TSGA10: variants seen among roughly 807,000 people sequenced by gnomAD.
TSGA10 encodes testis-specific gene 10 protein.
In TSGA10, 43 loss-of-function variants were observed where a neutral mutation model predicts 96.6. The ratio of observed to expected loss-of-function variants is 0.44; its 90% CI spans 0.35 to 0.57. The LOEUF (loss-of-function observed/expected upper bound fraction) is 0.57, where lower values mean the gene tolerates loss of function less well. Ranked by LOEUF, TSGA10 falls within the 20% of genes least tolerant of loss-of-function variation. TSGA10 has a pLI of 0.01. For missense variants in TSGA10, 703 were observed against 834.4 expected, an observed-to-expected ratio of 0.84 and a Z score of 1.94; for synonymous variants, 229 against 269.9, an observed-to-expected ratio of 0.85 and a Z score of 1.48.
rs1245557158 is a variant in TSGA10 at position 99,020,302 on chromosome 2, G to T, written c.1795C>A (p.Leu599Ile). The T allele has an allele frequency of 6.2e-7, 1 of 1,613,368 alleles. No individual in the cohort carries two copies. Among genetic ancestry groups the T allele is most frequent in the Non-Finnish European group, 8.5e-7 (1 of 1,179,584 alleles). ...ESEIQLLKEH[L>I]CLAENKMAIQ... Reference sequence around the variant, plus strand: ...CACATTTTATTTTCTGCCAAACAAAGGTGTTCTTTAAGAAGCTGAATTTCA... The same window carrying T: ...CACATTTTATTTTCTGCCAAACAAATGTGTTCTTTAAGAAGCTGAATTTCA... Residue 599 changes from leucine to isoleucine, a missense_variant, in exon 18 of 21, where the codon CTT becomes ATT. By Grantham distance (5) the Leu-to-Ile change is conservative. Around this residue, in one of 3 missense-constraint regions of TSGA10, gnomAD observed 49 missense variants for 96.4 expected, o/e 0.51. Transcript: ENST00000393483.
At chr2:99,068,030 A>T (rs2085472081) in intron 15 of TSGA10, among the ~76,000 whole-genome samples, 1 of 152,150 alleles carries the variant, frequency 6.6e-6, no homozygotes, top group Non-Finnish European at 1.5e-5. Flanking sequence ...CCTTTTGTTC[A>T]TTTATGGTAT....
intron 20 of TSGA10, among the ~76,000 whole-genome samples, chr2:99,004,030 A>G (rs2078233793): frequency 6.6e-6 from 1 of 152,190 alleles, no homozygotes; most frequent in African/African-American, 2.4e-5. Context: ...GAAAAGATCA[A>G]CAAAATTGAC....
At chr2:99,052,128 G>A (rs1235662707) in intron 16 of TSGA10, among the ~76,000 whole-genome samples, 1 of 151,230 alleles carries the variant, frequency 6.6e-6, no homozygotes, top group African/African-American at 2.4e-5. Flanking sequence ...AAAATATAAA[G>A]GATTGGAGCA....
chr2:99,058,600 T>TAG (rs2084270372), intron 16 of TSGA10, among the ~76,000 whole-genome samples: 1 of 152,014 alleles, frequency 6.6e-6, no homozygotes, highest in African/African-American at 2.4e-5. Context: ...ATGAAGAGAA[T>TAG]AGAGAAATGC....
intron 10 of TSGA10, among the ~76,000 whole-genome samples, chr2:99,091,414 A>G (rs1162757794): frequency 8.5e-5 from 13 of 152,202 alleles, no homozygotes; most frequent in Admixed American, 8.5e-4. Context: ...CAAGGTATTC[A>G]GGCAGTAAAT....
intron 16 of TSGA10, 151 bp downstream of exon 16, chr2:99,064,784 GAATC>G: frequency 1.9e-6 from 1 of 533,384 alleles, no homozygotes; most frequent in Non-Finnish European, 3.1e-6. Flanking sequence ...GATTGTAGAA[GAATC>G]AAAGTATAAG....
At chr2:99,140,983 C>T in intron 1 of TSGA10, 1 of 930,570 alleles carries the variant, frequency 1.1e-6, no homozygotes, top group Non-Finnish European at 1.4e-6. Flanking sequence ...CCGCCACGGC[C>T]CCGCACCCGC....
chr2:99,052,301 A>G (rs2083471173), intron 16 of TSGA10, among the ~76,000 whole-genome samples: 1 of 152,102 alleles, frequency 6.6e-6, no homozygotes, highest in African/African-American at 2.4e-5. Context: ...ACAACAAGAA[A>G]TACAAAGAAT....
At position 99,025,077 on chromosome 2, in the gene TSGA10, A is replaced by G. The variant is rs568803707; in HGVS notation, c.1615-4595T>C. Among the ~76,000 whole-genome samples the G allele has an allele frequency of 6.6e-5, 10 of 152,162 alleles. No homozygotes were observed. In the East Asian group the frequency reaches 9.6e-4, roughly 15 times the overall value. On this transcript the variant is annotated intron_variant, in intron 17 of 20. Coordinates refer to ENST00000393483, the MANE Select transcript of TSGA10 (RefSeq NM_025244.4). ...AATTTTTCATCTGTATTCATAAGAG[A>G]TAATGGTCTGCAGTTTTATTTTCCT...
chr2:99,090,105 C>G (rs145263540), intron 10 of TSGA10, among the ~76,000 whole-genome samples: 1,622 of 152,286 alleles, frequency 0.011, 8 homozygotes, highest in Middle Eastern at 0.027. Context: ...ACAAACACCC[C>G]CCAGTACCAG....
chr2:99,044,262 G>A (rs1430008229), intron 16 of TSGA10, among the ~76,000 whole-genome samples: 2 of 151,240 alleles, frequency 1.3e-5, no homozygotes, highest in African/African-American at 4.9e-5. Context: ...CCACTGGTGT[G>A]CTGTATTCAG....
intron 10 of TSGA10, among the ~76,000 whole-genome samples, chr2:99,098,202 C>T (rs1049904056): frequency 6.6e-6 from 1 of 151,900 alleles, no homozygotes; most frequent in African/African-American, 2.4e-5. Flanking sequence ...CTTTGGGAGG[C>T]TGAGGTGGGT....
At position 99,020,228 on chromosome 2, in the gene TSGA10, G is replaced by A. The variant is rs934673389; in HGVS notation, c.1817+52C>T. On this transcript the variant is annotated intron_variant, in intron 18 of 20. Transcript: ENST00000393483. ...ATTCTAGCTTAAAATTTCTACTAAA[G>A]TACCAAAAAATTAAGATGTATGACT... 1.1e-4 allele frequency: 171 copies of A among 1,499,404 alleles called. No individual in the cohort carries two copies. The Admixed American group carries it at 3.0e-3, about 26-fold the overall frequency. The allele number at this position is 1,499,404 out of a possible 1,614,324, so 92.9% of individuals were successfully genotyped here. A position where few individuals can be genotyped will look rare whatever the true frequency, so the allele number is the denominator to read the frequency against.
At chr2:99,078,177 A>T (rs2086969464) in intron 12 of TSGA10, among the ~76,000 whole-genome samples, 1 of 148,982 alleles carries the variant, frequency 6.7e-6, no homozygotes. Flanking sequence ...AGGCTGAGGC[A>T]GGAGAATTGC....
intron 20 of TSGA10, among the ~76,000 whole-genome samples, chr2:99,002,928 T>G (rs1265532055): frequency 6.6e-6 from 1 of 151,946 alleles, no homozygotes; most frequent in Non-Finnish European, 1.5e-5. Context: ...GGTGCGATCT[T>G]GGCTCACTGC....
chr2:99,038,631 A>G (rs906051211), intron 16 of TSGA10, among the ~76,000 whole-genome samples: 3 of 152,220 alleles, frequency 2.0e-5, no homozygotes, highest in Non-Finnish European at 2.9e-5. Flanking sequence ...TTATGCATCT[A>G]ACATTGGAGC....
chr2:99,122,449 A>G (rs1328078564), intron 2 of TSGA10, among the ~76,000 whole-genome samples: 2 of 151,804 alleles, frequency 1.3e-5, no homozygotes, highest in African/African-American at 4.8e-5. Flanking sequence ...TGCATTTAAA[A>G]CCACATTCGA....
In TSGA10 at chr2:99,109,008, A is replaced by T. The variant is rs2091588097; in HGVS notation, c.52-17T>A. 5 of 1,475,108 alleles carry T rather than the reference A, an allele frequency of 3.4e-6. No individual in the cohort carries two copies. The highest frequency in any genetic ancestry group is 4.5e-6 in the Non-Finnish European group (5 of 1,115,850). The allele number at this position is 1,475,108 out of a possible 1,614,324, so 91.4% of individuals were successfully genotyped here. On this transcript the variant is annotated splice_polypyrimidine_tract_variant and intron_variant, in intron 6 of 20. Transcript: ENST00000393483. Reference sequence around the variant, plus strand: ...GTTTGCACCCTATAATTATATAAGGAATTTGAAATCTTCTTTGATATATAG... The same window carrying T: ...GTTTGCACCCTATAATTATATAAGGTATTTGAAATCTTCTTTGATATATAG...
At position 99,127,087 on chromosome 2, in the gene TSGA10, C is replaced by T. The variant is rs2092868317; in HGVS notation, c.-531G>A. 1.6e-6 allele frequency: 2 copies of T among 1,289,622 alleles called. No individual in the cohort carries two copies. The highest frequency in any genetic ancestry group is 1.5e-5 in the African/African-American group (1 of 65,968). The allele number at this position is 1,289,622 out of a possible 1,614,324, so 79.9% of individuals were successfully genotyped here. A position where few individuals can be genotyped will look rare whatever the true frequency, so the allele number is the denominator to read the frequency against. On this transcript the variant is annotated 5_prime_UTR_variant, in exon 2 of 21. Coordinates refer to ENST00000393483, the MANE Select transcript of TSGA10 (RefSeq NM_025244.4). ...TCGAGATGAATCTATCTTGGTTTCT[C>T]ACTTCTTGTTCTAGCTGGAGAGTAT...
Sources: gnomAD v4.1 joint callset for allele counts (sites outside exome capture counted in the v4.1 genomes callset) on GRCh38, gnomAD v4.1.1 for gene constraint, gnomAD v4.1.1 regional missense constraint, MANE v1.5 for transcripts, NCBI Gene and HGNC (gene_info 2026-07-23, HGNC 2026-07-21) for gene names.